Variants in SOBP observed in about 807,000 individuals in gnomAD.
SOBP encodes the protein sine oculis binding protein homolog, also known as sine oculis-binding protein homolog.
A neutral mutation model predicts 53.6 loss-of-function variants in SOBP; 4 were observed. That is an observed-to-expected ratio of 0.07 (90% CI 0.04 to 0.17). The LOEUF is 0.17. Ranked by LOEUF, SOBP falls within the 10% of genes least tolerant of loss-of-function variation. The probability of loss-of-function intolerance (pLI) is 1.00; values close to 1 mark genes in which losing one functional copy is unlikely to be tolerated. For synonymous variants in SOBP, 584 were observed against 522.6 expected (o/e 1.12, Z -1.60); for missense variants, 1,088 against 1,204.7 (o/e 0.90, Z 1.43).
intron 5 of SOBP, among the ~76,000 whole-genome samples, chr6:107,626,544 G>A (rs1476598304): frequency 6.6e-6 from 1 of 152,236 alleles, no homozygotes; most frequent in Non-Finnish European, 1.5e-5. Flanking sequence ...CCTCATATGA[G>A]GGCAGGAGCT....
Position 107,635,477 on chromosome 6 carries a change from T to C in SOBP, c.*3+8T>C. 1.9e-6 allele frequency: 3 copies of C among 1,612,042 alleles called. 1 individual carries two copies. The highest frequency in any genetic ancestry group is 2.5e-6 in the Non-Finnish European group (3 of 1,179,986). ...AATCAGAATAAGTAAAAGGTTTGTA[T>C]GTCCGCCGGGCGCTCCTCCACACCA... On this transcript the variant is annotated splice_region_variant and intron_variant, in intron 6 of 6. Coordinates refer to ENST00000317357, the MANE Select transcript of SOBP (RefSeq NM_018013.4). This position sits in a 1 kb window ranked among gnomAD's most constrained non-coding sequence, Gnocchi z 4.5.
At position 107,635,759 on chromosome 6, in the gene SOBP, T is replaced by C. The variant is rs1157863696; in HGVS notation, c.*3+290T>C. On this transcript the variant is annotated intron_variant, in intron 6 of 6. Transcript: ENST00000317357. The surrounding 1 kb of genome is among the most constrained non-coding windows in gnomAD (Gnocchi z 4.5). The stretch of plus-strand genomic sequence containing the variant: ...TCAGTCTCCAACCTGTCATGAAATA[T>C]TGTCTCTCCAATTACACTTTATTAT... Among the ~76,000 whole-genome samples the C allele has an allele frequency of 2.0e-5, 3 of 152,268 alleles. No individual in the cohort carries two copies. The highest frequency in any genetic ancestry group is 4.8e-5 in the African/African-American group (2 of 41,562).
intron 5 of SOBP, among the ~76,000 whole-genome samples, chr6:107,588,918 A>G (rs1367078445): frequency 6.6e-6 from 1 of 152,224 alleles, no homozygotes; most frequent in Non-Finnish European, 1.5e-5. Flanking sequence ...AAGAAAAGGA[A>G]TAAAAAGAAA....
chr6:107,531,728 A>G (rs577919458), intron 3 of SOBP, among the ~76,000 whole-genome samples: 2 of 152,340 alleles, frequency 1.3e-5, no homozygotes, highest in South Asian at 4.1e-4. Flanking sequence ...TTCATATTAT[A>G]CCATTTAAAG....
intron 4 of SOBP, among the ~76,000 whole-genome samples, chr6:107,562,406 C>T (rs372348538): frequency 3.9e-5 from 6 of 152,080 alleles, no homozygotes; most frequent in South Asian, 2.1e-4. Flanking sequence ...GTCTTTAGAC[C>T]GTGACAAGCC....
intron 6 of SOBP, among the ~76,000 whole-genome samples, chr6:107,652,293 T>G (rs974379992): frequency 1.3e-5 from 2 of 152,010 alleles, no homozygotes; most frequent in Non-Finnish European, 2.9e-5. Flanking sequence ...TTAACAGGAG[T>G]TTGGAAGGAG....
intron 6 of SOBP, among the ~76,000 whole-genome samples, chr6:107,652,989 A>G (rs961610481): frequency 6.7e-6 from 1 of 148,568 alleles, no homozygotes; most frequent in Non-Finnish European, 1.5e-5. Context: ...AAACCCTCCA[A>G]AAAAATGCAT....
chr6:107,573,511 G>A (rs1325747637), intron 4 of SOBP, among the ~76,000 whole-genome samples: 1 of 152,146 alleles, frequency 6.6e-6, no homozygotes, highest in African/African-American at 2.4e-5. Flanking sequence ...TTTCTGAAAT[G>A]GATGTTGTGT....
chr6:107,547,927 A>G (rs1007265994), intron 4 of SOBP, among the ~76,000 whole-genome samples: 2 of 152,146 alleles, frequency 1.3e-5, no homozygotes, highest in Admixed American at 1.3e-4. Context: ...CACAGCTGAT[A>G]AGGCATGCTT....
chr6:107,510,101 A>G (rs1316148520), intron 3 of SOBP, among the ~76,000 whole-genome samples: 1 of 152,210 alleles, frequency 6.6e-6, no homozygotes, highest in Non-Finnish European at 1.5e-5. Flanking sequence ...AGGGCCAGAT[A>G]GTATTTTAGA....
chr6:107,652,191 A>G (rs1771829786), intron 6 of SOBP, among the ~76,000 whole-genome samples: 1 of 152,226 alleles, frequency 6.6e-6, no homozygotes, highest in Admixed American at 6.5e-5. Flanking sequence ...AGATTTGGGC[A>G]AAGTACATTG....
chr6:107,605,500 G>C (rs1358858297), intron 5 of SOBP, among the ~76,000 whole-genome samples: 2 of 152,238 alleles, frequency 1.3e-5, no homozygotes, highest in Non-Finnish European at 1.5e-5. Context: ...AGAGATTTGA[G>C]TGCAGTAGCA....
At chr6:107,570,147 T>G (rs1346560871) in intron 4 of SOBP, among the ~76,000 whole-genome samples, 1 of 152,250 alleles carries the variant, frequency 6.6e-6, no homozygotes, top group Admixed American at 6.5e-5. Context: ...TTCCTTCCCC[T>G]TACACATTTA....
intron 4 of SOBP, among the ~76,000 whole-genome samples, chr6:107,553,608 C>A (rs1784529264): frequency 6.6e-6 from 1 of 152,198 alleles, no homozygotes; most frequent in Admixed American, 6.5e-5. Context: ...GCCTCAGCCT[C>A]CCAAGTAGCT....
chr6:107,557,497 G>A (rs1209429918), intron 4 of SOBP, among the ~76,000 whole-genome samples: 1 of 152,180 alleles, frequency 6.6e-6, no homozygotes, highest in Non-Finnish European at 1.5e-5. Flanking sequence ...TTCAAGAATG[G>A]CAAAATGAAT....
intron 5 of SOBP, among the ~76,000 whole-genome samples, chr6:107,607,069 G>A (rs1467863746): frequency 2.6e-5 from 4 of 152,210 alleles, no homozygotes; most frequent in Non-Finnish European, 5.9e-5. Flanking sequence ...CTTAAGTCCA[G>A]TCCCAGGGAC....
intron 5 of SOBP, among the ~76,000 whole-genome samples, chr6:107,621,663 C>G (rs1770184299): frequency 6.6e-6 from 1 of 152,146 alleles, no homozygotes; most frequent in Non-Finnish European, 1.5e-5. Context: ...CATTATATAC[C>G]AGATGCCATA....
At chr6:107,631,173 A>G (rs867212519) in intron 5 of SOBP, among the ~76,000 whole-genome samples, 5 of 152,340 alleles carry the variant, frequency 3.3e-5, no homozygotes, top group South Asian at 4.1e-4. Context: ...TTTAAAAACC[A>G]ATTAAGGATT....
intron 4 of SOBP, among the ~76,000 whole-genome samples, chr6:107,581,694 G>GA (rs1336334105): frequency 6.6e-6 from 1 of 152,236 alleles, no homozygotes; most frequent in Non-Finnish European, 1.5e-5. Flanking sequence ...CGAGATTTCA[G>GA]AAAATGAAAT....
Sources: gnomAD v4.1 joint callset for allele counts (sites outside exome capture counted in the v4.1 genomes callset) on GRCh38, gnomAD v4.1.1 for gene constraint, Gnocchi (gnomAD v3.1) non-coding constraint, MANE v1.5 for transcripts, NCBI Gene and HGNC (gene_info 2026-07-23, HGNC 2026-07-21) for gene names.